ANKRD28: variants seen among roughly 807,000 people sequenced by gnomAD.
ANKRD28 encodes the protein ankyrin repeat domain 28.
A neutral mutation model predicts 126.5 loss-of-function variants in ANKRD28; 44 were observed. The ratio of observed to expected loss-of-function variants is 0.35; its 90% CI spans 0.27 to 0.45. The LOEUF is 0.45. Among genes scored for constraint, ANKRD28 ranks in the 20% least tolerant of loss-of-function variants. The pLI is 1.00. For synonymous variants in ANKRD28, 442 were observed against 468.5 expected (o/e 0.94, Z 0.73); for missense variants, 1,110 against 1,316.6 (o/e 0.84, Z 2.43).
chr3:15,707,437 C>T (rs1395411367), intron 14 of ANKRD28, among the ~76,000 whole-genome samples: 1 of 152,198 alleles, frequency 6.6e-6, no homozygotes, highest in Admixed American at 6.5e-5. Context: ...GTACCTACTA[C>T]GTACCAGATT....
intron 7 of ANKRD28, among the ~76,000 whole-genome samples, chr3:15,723,433 G>A (rs2073928376): frequency 6.6e-6 from 1 of 152,202 alleles, no homozygotes; most frequent in South Asian, 2.1e-4. Flanking sequence ...GAACCAATGA[G>A]TTCTTCAAAA....
At chr3:15,834,756 A>G (rs182882094) in intron 1 of ANKRD28, among the ~76,000 whole-genome samples, 6 of 152,346 alleles carry the variant, frequency 3.9e-5, no homozygotes, top group Admixed American at 2.6e-4. Flanking sequence ...AAAGCTATTT[A>G]TACATTTATA....
chr3:15,850,220 T>A (rs376492755), intron 1 of ANKRD28, among the ~76,000 whole-genome samples: 1 of 49,352 alleles, frequency 2.0e-5, no homozygotes, highest in Admixed American at 2.6e-4. Flanking sequence ...TATATATATA[T>A]ATATAGAGAG....
chr3:15,725,039 A>G (rs1175829248), intron 6 of ANKRD28, among the ~76,000 whole-genome samples: 1 of 152,174 alleles, frequency 6.6e-6, no homozygotes, highest in African/African-American at 2.4e-5. Flanking sequence ...GTTGGCAGAG[A>G]CAATTAGTAA....
At chr3:15,720,285 G>A (rs978783438) in intron 8 of ANKRD28, among the ~76,000 whole-genome samples, 3 of 151,496 alleles carry the variant, frequency 2.0e-5, no homozygotes, top group African/African-American at 7.3e-5. Context: ...CCCTAACACT[G>A]TAAAATTTGA....
chr3:15,717,348 A>C (rs2073186426), intron 8 of ANKRD28, among the ~76,000 whole-genome samples: 1 of 152,106 alleles, frequency 6.6e-6, no homozygotes, highest in Admixed American at 6.6e-5. Context: ...CTGATAATAA[A>C]ACCTATTCTA....
upstream of ANKRD28, among the ~76,000 whole-genome samples, chr3:15,799,235 G>A (rs1485147376): frequency 6.6e-6 from 1 of 151,462 alleles, no homozygotes; most frequent in African/African-American, 2.4e-5. Context: ...AGGTAACAAA[G>A]GAATATACTA....
At position 15,830,808 on chromosome 3, in the gene ANKRD28, G is replaced by C. The variant is rs952514991; in HGVS notation, c.27+28569C>G. On this transcript the variant is annotated intron_variant, in intron 1 of 27. Transcript: ENST00000399451. The surrounding 1 kb of genome is among the most constrained non-coding windows in gnomAD (Gnocchi z 4.5). ...AGATAGTCTAACAATATGATTCTTGGTGGGACCTTTAAGTCACGGAGTATC... is the reference window on the plus strand; with the variant it reads ...AGATAGTCTAACAATATGATTCTTGCTGGGACCTTTAAGTCACGGAGTATC... 1.3e-5 allele frequency among the ~76,000 whole-genome samples: 2 copies of C among 152,092 alleles called. No homozygotes were observed. Among genetic ancestry groups the C allele is most frequent in the Non-Finnish European group, 2.9e-5 (2 of 68,016 alleles).
intron 12 of ANKRD28, 113 bp from the exon 13 acceptor site, chr3:15,709,849 AATG>A (rs943178215): frequency 5.7e-5 from 35 of 619,262 alleles, no homozygotes; most frequent in East Asian, 4.5e-4. Context: ...ATGTGACAAA[AATG>A]ATGATTTACA....
rs182063873 is a variant in ANKRD28 at position 15,699,101 on chromosome 3, T to C, written c.1548-2856A>G. ...AAATAACACCACACATCTACAACCATCTGATTTTTGACAAACCTGACAAAA... is the reference window on the plus strand; with the variant it reads ...AAATAACACCACACATCTACAACCACCTGATTTTTGACAAACCTGACAAAA... On this transcript the variant is annotated intron_variant, in intron 14 of 27. Coordinates refer to ENST00000683139, the MANE Select transcript of ANKRD28 (RefSeq NM_001349278.2). Among the ~76,000 whole-genome samples the C allele has an allele frequency of 3.4e-3, 516 of 152,228 alleles. 3 individuals carry two copies. Among genetic ancestry groups the C allele is most frequent in the African/African-American group, 0.012 (498 of 41,540 alleles).
At chr3:15,772,072 A>G (rs1470622322) in intron 2 of ANKRD28, among the ~76,000 whole-genome samples, 2 of 152,212 alleles carry the variant, frequency 1.3e-5, no homozygotes, top group Non-Finnish European at 2.9e-5. Context: ...TTGGGGGATA[A>G]AGTTAAAGCA....
chr3:15,751,227 C>T (rs1344168736), intron 4 of ANKRD28, among the ~76,000 whole-genome samples: 2 of 152,148 alleles, frequency 1.3e-5, no homozygotes, highest in Non-Finnish European at 2.9e-5. Flanking sequence ...GTTATCTCAA[C>T]AAGCAAACAA....
chr3:15,814,195 A>T lies in ANKRD28; in HGVS notation c.28-18889T>A. The stretch of plus-strand genomic sequence containing the variant: ...AACAGCAACAAACTAACAAATTACA[A>T]GAGCTGCCTATATTACTGCAAGAGA... On this transcript the variant is annotated intron_variant, in intron 1 of 27. Transcript: ENST00000399451. The surrounding 1 kb of genome is among the most constrained non-coding windows in gnomAD (Gnocchi z 4.7). 9.5e-7 allele frequency: 1 copy of T among 1,053,110 alleles called. No homozygotes were observed. The highest frequency in any genetic ancestry group is 1.2e-6 in the Non-Finnish European group (1 of 831,550). The allele number at this position is 1,053,110 out of a possible 1,614,324, so 65.2% of individuals were successfully genotyped here.
intron 4 of ANKRD28, among the ~76,000 whole-genome samples, chr3:15,746,099 A>T (rs1274190969): frequency 1.3e-5 from 2 of 152,154 alleles, no homozygotes; most frequent in Non-Finnish European, 2.9e-5. Flanking sequence ...CAGTTCTAGG[A>T]GGTTTTGGAA....
chr3:15,694,568 C>T (rs968123395), intron 17 of ANKRD28, among the ~76,000 whole-genome samples, 171 bp downstream of exon 17: 2 of 151,502 alleles, frequency 1.3e-5, no homozygotes, highest in Non-Finnish European at 2.9e-5. Context: ...AACAAAAACC[C>T]AGCACATTAA....
At chr3:15,852,832 C>CA (rs71064237) in intron 1 of ANKRD28, among the ~76,000 whole-genome samples, 36,357 of 63,914 alleles carry the variant, frequency 0.57, 10,592 homozygotes, top group Non-Finnish European at 0.64. Flanking sequence ...GACTCTGTCT[C>CA]AAAAAAAAAA....
rs1362633175 is a variant in ANKRD28 at position 15,846,062 on chromosome 3, C to G, written c.27+13315G>C. Among the ~76,000 whole-genome samples, 1 of 152,196 alleles carries G rather than the reference C, an allele frequency of 6.6e-6. No individual in the cohort carries two copies. The highest frequency in any genetic ancestry group is 1.5e-5 in the Non-Finnish European group (1 of 68,034). On this transcript the variant is annotated intron_variant, in intron 1 of 27. Coordinates refer to the ANKRD28 transcript ENST00000399451. The surrounding 1 kb of genome is among the most constrained non-coding windows in gnomAD (Gnocchi z 5.4). ...ACTCCCAAATCTCATGTCCTTTTCACATTTCAAAACCAACCATGCCTTTCC... is the reference window on the plus strand; with the variant it reads ...ACTCCCAAATCTCATGTCCTTTTCAGATTTCAAAACCAACCATGCCTTTCC...
At chr3:15,768,077 GC>G (rs2058832976) in intron 2 of ANKRD28, among the ~76,000 whole-genome samples, 1 of 152,062 alleles carries the variant, frequency 6.6e-6, no homozygotes, top group Non-Finnish European at 1.5e-5. Flanking sequence ...ACAGAAAAGA[GC>G]TGCCTTACTA....
At chr3:15,681,215 A>G (rs2067507365) in intron 21 of ANKRD28, among the ~76,000 whole-genome samples, 1 of 152,210 alleles carries the variant, frequency 6.6e-6, no homozygotes, top group South Asian at 2.1e-4. Context: ...AATTCAATGT[A>G]AATGCTATAT....
Sources: allele counts gnomAD v4.1 joint callset (sites outside exome capture counted in the v4.1 genomes callset), GRCh38; gene constraint gnomAD v4.1.1; non-coding constraint Gnocchi (gnomAD v3.1); transcripts MANE v1.5; gene names NCBI Gene and HGNC (gene_info 2026-07-23, HGNC 2026-07-21).